Variants in PCDH9 observed in about 807,000 individuals in gnomAD.
PCDH9 encodes the protein protocadherin-9.
In PCDH9, 24 loss-of-function variants were observed where a neutral mutation model predicts 70.6. The observed-to-expected ratio is 0.34, with a 90% CI of 0.25 to 0.48. The LOEUF is 0.48. Ranked by LOEUF, PCDH9 falls within the 20% of genes least tolerant of loss-of-function variation. PCDH9 has a pLI of 0.99. For synonymous variants in PCDH9, 562 were observed against 558.5 expected (o/e 1.01, Z -0.09); for missense variants, 1,281 against 1,503.6 (o/e 0.85, Z 2.45).
At chr13:66,941,962 A>T (rs1182202632) in intron 2 of PCDH9, among the ~76,000 whole-genome samples, 1 of 151,936 alleles carries the variant, frequency 6.6e-6, no homozygotes, top group African/African-American at 2.4e-5. Context: ...ACTCACACAA[A>T]GTATATTATC....
chr13:66,680,233 C>T (rs765065041), intron 3 of PCDH9, among the ~76,000 whole-genome samples: 1 of 151,928 alleles, frequency 6.6e-6, no homozygotes, highest in Admixed American at 6.6e-5. Context: ...TGAAACAATA[C>T]GCAAATATTT....
chr13:66,568,390 C>T (rs986523630), intron 4 of PCDH9, among the ~76,000 whole-genome samples: 1 of 148,886 alleles, frequency 6.7e-6, no homozygotes, highest in African/African-American at 2.5e-5. Context: ...ACAATTAAGA[C>T]ATGGAAATAT....
At chr13:66,957,624 G>A (rs1002431288) in intron 2 of PCDH9, among the ~76,000 whole-genome samples, 4 of 152,112 alleles carry the variant, frequency 2.6e-5, no homozygotes, top group East Asian at 1.9e-4. Context: ...TCATGAAAAT[G>A]GGGCCCTCAT....
At chr13:66,545,945 T>C (rs1961175438) in intron 4 of PCDH9, among the ~76,000 whole-genome samples, 1 of 151,574 alleles carries the variant, frequency 6.6e-6, no homozygotes, top group Non-Finnish European at 1.5e-5. Context: ...TTCATGCCAT[T>C]CTGCCTCAGC....
chr13:66,448,682 A>G (rs1482809179), intron 4 of PCDH9, among the ~76,000 whole-genome samples: 1 of 152,226 alleles, frequency 6.6e-6, no homozygotes, highest in Admixed American at 6.5e-5. Context: ...ACCATATATT[A>G]AAAGTACCAT....
intron 3 of PCDH9, among the ~76,000 whole-genome samples, chr13:66,763,818 C>T (rs536515238): frequency 4.6e-5 from 7 of 151,842 alleles, no homozygotes; most frequent in South Asian, 2.1e-4. Context: ...TTTTTTGAGA[C>T]GGAGTCCTGA....
chr13:66,475,640 G>C (rs1266077158), intron 4 of PCDH9, among the ~76,000 whole-genome samples: 1 of 151,932 alleles, frequency 6.6e-6, no homozygotes, highest in Non-Finnish European at 1.5e-5. Flanking sequence ...AGAGAAAAGA[G>C]AATGCAATAA....
intron 3 of PCDH9, chr13:66,879,885 C>T (rs541705803): frequency 6.6e-6 from 1 of 152,034 alleles, no homozygotes; most frequent in Admixed American, 6.6e-5. Flanking sequence ...ATAAGACATC[C>T]TTTAGACATT....
intron 3 of PCDH9, among the ~76,000 whole-genome samples, chr13:66,771,229 T>C (rs554780914): frequency 6.6e-6 from 1 of 152,320 alleles, no homozygotes; most frequent in East Asian, 1.9e-4. Flanking sequence ...ACCATAGGTG[T>C]GCACCATTGC....
intron 4 of PCDH9, among the ~76,000 whole-genome samples, chr13:66,522,392 C>A (rs1960035323): frequency 6.6e-6 from 1 of 151,986 alleles, no homozygotes; most frequent in Non-Finnish European, 1.5e-5. Flanking sequence ...AATTGTGTAG[C>A]TTTCAGTATG....
Position 66,528,053 on chromosome 13 carries a change from C to A in PCDH9, c.3340+103157G>T, listed in dbSNP as rs576990685. ...AAGATGTTGTTAGAAGGGAAACAAA[C>A]TCAATTATACAAACAGTAAATAATA... On this transcript the variant is annotated intron_variant, in intron 4 of 4. Transcript: ENST00000377865. 2.0e-5 allele frequency among the ~76,000 whole-genome samples: 3 copies of A among 152,204 alleles called. No homozygotes were observed. The South Asian group carries it at 6.2e-4, about 32-fold the overall frequency.
intron 4 of PCDH9, among the ~76,000 whole-genome samples, chr13:66,538,427 C>G (rs1960800164): frequency 6.6e-6 from 1 of 152,096 alleles, no homozygotes; most frequent in Admixed American, 6.6e-5. Flanking sequence ...CTTCAATATT[C>G]ACATCTCCTG....
At chr13:67,181,967 C>T (rs1291778620) in intron 2 of PCDH9, among the ~76,000 whole-genome samples, 1 of 152,170 alleles carries the variant, frequency 6.6e-6, no homozygotes, top group Admixed American at 6.5e-5. Flanking sequence ...CTGGCCTTCA[C>T]CTGATTGACC....
chr13:66,573,709 G>A (rs940666691), intron 4 of PCDH9, among the ~76,000 whole-genome samples: 3 of 151,870 alleles, frequency 2.0e-5, no homozygotes, highest in Admixed American at 6.6e-5. Context: ...AGTCAGTTAA[G>A]GGTATTTTGT....
chr13:66,304,954 A>G lies in PCDH9; in HGVS notation c.3415T>C (p.Ser1139Pro), dbSNP rs1279904477. ...CTQECLVLGH[S>P]DNCWMPPGLG... ...CCAGGAGGCATCCAGCAATTATCAG[A>G]GTGACCCAAAACCAAGCACTCTTGA... Residue 1139 changes from serine to proline, a missense_variant, in exon 5 of 5, where the codon TCT (serine) becomes CCT (proline). By Grantham distance (74) the Ser-to-Pro change is moderately conservative (BLOSUM62 -1). Transcript: ENST00000377865. The G allele has an allele frequency of 6.2e-7, 1 of 1,613,540 alleles. No individual in the cohort carries two copies. The highest frequency in any genetic ancestry group is 1.7e-5 in the Admixed American group (1 of 59,860).
chr13:66,664,742 C>T (rs1402291680), intron 3 of PCDH9, among the ~76,000 whole-genome samples: 4 of 152,102 alleles, frequency 2.6e-5, no homozygotes, highest in Non-Finnish European at 5.9e-5. Context: ...CTGTATGTGT[C>T]CACTCTATGC....
At chr13:66,852,679 A>T (rs2081333509) in intron 3 of PCDH9, among the ~76,000 whole-genome samples, 1 of 152,158 alleles carries the variant, frequency 6.6e-6, no homozygotes, top group South Asian at 2.1e-4. Context: ...TGCTGATTGC[A>T]TTTACTTTGG....
chr13:66,664,354 T>C (rs2078063007), intron 3 of PCDH9, among the ~76,000 whole-genome samples: 1 of 152,182 alleles, frequency 6.6e-6, no homozygotes, highest in South Asian at 2.1e-4. Context: ...AGTAGTTTGT[T>C]ATGACTTCCA....
At chr13:67,041,859 T>C (rs183361635) in intron 2 of PCDH9, among the ~76,000 whole-genome samples, 1 of 149,936 alleles carries the variant, frequency 6.7e-6, no homozygotes, top group East Asian at 2.0e-4. Flanking sequence ...AAAAAAGAAA[T>C]ACTGGCTATC....
Sources: gnomAD v4.1 joint callset for allele counts (sites outside exome capture counted in the v4.1 genomes callset) on GRCh38, gnomAD v4.1.1 for gene constraint, MANE v1.5 for transcripts, NCBI Gene and HGNC (gene_info 2026-07-23, HGNC 2026-07-21) for gene names.